TM4SF18: variants seen among roughly 807,000 people sequenced by gnomAD.
TM4SF18 encodes transmembrane 4 L six family member 18.
In TM4SF18, 22 loss-of-function variants were observed where a neutral mutation model predicts 23.8. That is an observed-to-expected ratio of 0.92 (90% CI 0.66 to 1.32). The LOEUF (loss-of-function observed/expected upper bound fraction) is 1.32. Among genes scored for constraint, TM4SF18 ranks in the 40% most tolerant of loss-of-function variants. The pLI is 0.00. For synonymous variants in TM4SF18, 87 were observed against 87.9 expected, an observed-to-expected ratio of 0.99 and a Z score of 0.06; for missense variants, 255 against 240.3, an observed-to-expected ratio of 1.06 and a Z score of -0.41.
chr3:149,331,118 A>G (rs1251998091), intron 2 of TM4SF18, among the ~76,000 whole-genome samples: 1 of 152,200 alleles, frequency 6.6e-6, no homozygotes. Context: ...GATACAGATC[A>G]TGAATTGCTT....
At chr3:149,326,985 C>G (rs1226824101) in intron 3 of TM4SF18, among the ~76,000 whole-genome samples, 1 of 151,944 alleles carries the variant, frequency 6.6e-6, no homozygotes, top group Non-Finnish European at 1.5e-5. Flanking sequence ...TAGTCTCACT[C>G]TGTCACCCAG....
In TM4SF18 at chr3:149,326,934, G is replaced by GGTTTTGTTGTTGTTGTT. The variant is rs576452666; in HGVS notation, c.268-1929_268-1913dup. Among the ~76,000 whole-genome samples, 437 of 152,074 alleles carry GGTTTTGTTGTTGTTGTT rather than the reference G, an allele frequency of 2.9e-3. 1 individual carries two copies. The highest frequency in any genetic ancestry group is 9.9e-3 in the African/African-American group (412 of 41,478). On this transcript the variant is annotated intron_variant, in intron 3 of 5. Transcript: ENST00000296059. ...CTGCCATAGACCTGGAAGAAGCTGG[G>GGTTTTGTTGTTGTTGTT]GTTTTGTTGTTGTTGTTGTTTTGTT...
At chr3:149,325,216 T>C (rs1730915242) in intron 3 of TM4SF18, among the ~76,000 whole-genome samples, 194 bp from the exon 4 acceptor site, 1 of 152,286 alleles carries the variant, frequency 6.6e-6, no homozygotes, top group African/African-American at 2.4e-5. Context: ...TAAATAACGT[T>C]TAGTTTGGCA....
intron 4 of TM4SF18, among the ~76,000 whole-genome samples, chr3:149,323,805 C>T (rs1730867184): frequency 6.6e-6 from 1 of 152,060 alleles, no homozygotes; most frequent in South Asian, 2.1e-4. Flanking sequence ...GGTCTGACTG[C>T]CTGTGGGGTT....
rs780551984 is a variant in TM4SF18 at position 149,324,992 on chromosome 3, C to T, written c.298G>A (p.Gly100Arg). Residue 100 changes from glycine (G) to arginine (R), a missense_variant, in exon 4 of 6, where the codon GGA becomes AGA. Gly to Arg is a moderately radical substitution (Grantham distance 125). Transcript: ENST00000296059. ...AGGCAGTATCCAGAAAAAGCAATTC[C>T]GAGGGAAGAAAAGATAATTGACAGC... ...TLLSIIFSSLGIAFSGYCLVI... is the reference protein window; with the variant it reads ...TLLSIIFSSLRIAFSGYCLVI... The T allele has an allele frequency of 2.2e-5, 36 of 1,613,746 alleles. No individual in the cohort carries two copies. Among genetic ancestry groups the T allele is most frequent in the South Asian group, 1.9e-4 (17 of 91,038 alleles).
chr3:149,329,382 A>C (rs757267466), intron 3 of TM4SF18, among the ~76,000 whole-genome samples: 7 of 152,162 alleles, frequency 4.6e-5, no homozygotes, highest in Non-Finnish European at 1.0e-4. Context: ...TAACTAAATC[A>C]GGGACTCTGG....
chr3:149,324,132 C>T (rs1313701143), intron 4 of TM4SF18, among the ~76,000 whole-genome samples: 2 of 152,210 alleles, frequency 1.3e-5, no homozygotes, highest in African/African-American at 4.8e-5. Flanking sequence ...TGGACCTCTT[C>T]TGTATTTCTT....
intron 1 of TM4SF18, 31 bp downstream of exon 1, chr3:149,333,482 C>CTCTTT (rs4048749): frequency 0.044 from 10,175 of 233,478 alleles, 262 homozygotes; most frequent in African/African-American, 0.11. Flanking sequence ...CTCTCTCTCT[C>CTCTTT]TTTTTTTTTT....
chr3:149,322,682 C>T (rs1185211208), intron 4 of TM4SF18, among the ~76,000 whole-genome samples: 1 of 151,944 alleles, frequency 6.6e-6, no homozygotes, highest in Non-Finnish European at 1.5e-5. Context: ...TTTTCTTTCT[C>T]CCTCTTCCAT....
At chr3:149,329,711 T>C (rs1731047932) in intron 3 of TM4SF18, among the ~76,000 whole-genome samples, 1 of 152,164 alleles carries the variant, frequency 6.6e-6, no homozygotes, top group African/African-American at 2.4e-5. Flanking sequence ...GTTGTATTAT[T>C]CACCCTGATA....
rs567143389 is a variant in TM4SF18, at chr3:149,325,397, T to C, written c.268-375A>G. Among the ~76,000 whole-genome samples the C allele has an allele frequency of 2.2e-3, 334 of 152,290 alleles. 2 individuals are homozygous for C. Among genetic ancestry groups the C allele is most frequent in the African/African-American group, 7.3e-3 (303 of 41,552 alleles). ...TAGGTAGAGTGGGTTCTCTAAGAAT[T>C]ATAAGCTATGACCTCTGCTTTCCTC... On this transcript the variant is annotated intron_variant, in intron 3 of 5. Transcript: ENST00000296059.
intron 2 of TM4SF18, 84 bp from the exon 3 acceptor site, chr3:149,330,503 A>G (rs1731066360): frequency 2.2e-6 from 2 of 905,948 alleles, no homozygotes; most frequent in Non-Finnish European, 3.4e-6. Flanking sequence ...GTCTTCAAGC[A>G]TAGAGTCTGG....
rs1055807017 is a variant in TM4SF18, at chr3:149,320,905, G to A, written c.*573C>T. ...AGATTTAGTTTTCATCCTAAACTTT[G>A]ACTATTAGTGTTTCATTTGCTTTAA... On this transcript the variant is annotated 3_prime_UTR_variant, in exon 6 of 6. Transcript: ENST00000296059. 6.6e-6 allele frequency: 1 copy of A among 152,026 alleles called. No individual in the cohort carries two copies. 9.4% of individuals were successfully genotyped at this position (152,026 alleles called of 1,614,324 possible).
chr3:149,325,326 T>C (rs189050782), intron 3 of TM4SF18, among the ~76,000 whole-genome samples: 177 of 152,298 alleles, frequency 1.2e-3, no homozygotes, highest in Non-Finnish European at 2.1e-3. Context: ...CAGTGAAGGA[T>C]GTGATCAATC....
chr3:149,333,480 C>CTATT, intron 1 of TM4SF18, 33 bp downstream of exon 1: 1 of 391,566 alleles, frequency 2.6e-6, no homozygotes, highest in Non-Finnish European at 3.6e-6. Flanking sequence ...CTCTCTCTCT[C>CTATT]TCTTTTTTTT....
rs1157284740 is a variant in TM4SF18, at chr3:149,333,330, G to A, written c.53C>T (p.Ala18Val). Residue 18 changes from alanine (A) to valine (V), a missense_variant, in exon 2 of 6, where the codon GCA becomes GTA. By Grantham distance (64) the Ala-to-Val change is moderately conservative (BLOSUM62 0). Coordinates refer to ENST00000296059, the MANE Select transcript of TM4SF18 (RefSeq NM_138786.4). ...TATGTTCACGATTATACTCCAAAGT[G>A]CAAGCGGAATCAGCAAACAACTTAG... ...GCLSCLLIPL[A>V]LWSIIVNILL... The A allele has an allele frequency of 1.2e-6, 2 of 1,613,636 alleles. No individual in the cohort carries two copies. The highest frequency in any genetic ancestry group is 1.7e-6 in the Non-Finnish European group (2 of 1,179,812).
At chr3:149,333,468 T>TTTC (rs1553772217) in intron 1 of TM4SF18, 45 bp downstream of exon 1, 4 of 416,716 alleles carry the variant, frequency 9.6e-6, no homozygotes, top group Non-Finnish European at 6.8e-6. Context: ...GACCTTTTTT[T>TTTC]TCTCTCTCTC....
At position 149,333,339 on chromosome 3, in the gene TM4SF18, A is replaced by G; in HGVS notation, c.44T>C (p.Ile15Thr). ...GATTATACTCCAAAGTGCAAGCGGA[A>G]TCAGCAAACAACTTAGGCAGCCTCC... is the stretch of plus-strand genomic sequence containing the variant. ...KCGGCLSCLL[I>T]PLALWSIIVN... Residue 15 changes from isoleucine to threonine, a missense_variant, in exon 2 of 6, where the codon ATT (isoleucine) becomes ACT (threonine). Physicochemically the swap from Ile to Thr is moderately conservative, Grantham distance 89. Coordinates refer to ENST00000296059, the MANE Select transcript of TM4SF18 (RefSeq NM_138786.4). 1 of 1,613,646 alleles carries G rather than the reference A, an allele frequency of 6.2e-7. No individual in the cohort carries two copies. The highest frequency in any genetic ancestry group is 1.1e-5 in the South Asian group (1 of 90,946).
rs1385720028 is a variant in TM4SF18 at position 149,319,067 on chromosome 3, G to A, written c.*2411C>T. On this transcript the variant is annotated 3_prime_UTR_variant, in exon 6 of 6. Coordinates refer to ENST00000296059, the MANE Select transcript of TM4SF18 (RefSeq NM_138786.4). ...ATTTTCCTGATAGAGGTATCATGCT[G>A]CATTTGGCTGTACCCCTGATGTGTC... The A allele has an allele frequency of 6.6e-6, 1 of 152,128 alleles. No homozygotes were observed. Among genetic ancestry groups the A allele is most frequent in the Admixed American group, 6.5e-5 (1 of 15,274 alleles). The allele number at this position is 152,128 out of a possible 1,614,324, so 9.4% of individuals were successfully genotyped here.
Sources: allele counts gnomAD v4.1 joint callset (sites outside exome capture counted in the v4.1 genomes callset), GRCh38; gene constraint gnomAD v4.1.1; transcripts MANE v1.5; gene names NCBI Gene and HGNC (gene_info 2026-07-23, HGNC 2026-07-21).